Variants in PAPPA2 observed in about 807,000 individuals in gnomAD.
PAPPA2 encodes the protein pappalysin 2, also known as pappalysin-2.
In PAPPA2, 86 loss-of-function variants were observed where a neutral mutation model predicts 176.4. That is an observed-to-expected ratio of 0.49 (90% CI 0.41 to 0.58). PAPPA2 has a LOEUF of 0.58. PAPPA2 is among the 20% of genes least tolerant of loss of function. PAPPA2 has a pLI of 0.00. For missense variants in PAPPA2, 2,073 were observed against 2,256.9 expected (o/e 0.92, Z 1.65); for synonymous variants, 809 against 852.2 (o/e 0.95, Z 0.88).
intron 3 of PAPPA2, among the ~76,000 whole-genome samples, chr1:176,618,604 A>T (rs1292837207): frequency 6.6e-6 from 1 of 152,204 alleles, no homozygotes; most frequent in Non-Finnish European, 1.5e-5. Flanking sequence ...TCATTCAAAC[A>T]ATTTTGTAAA....
intron 1 of PAPPA2, among the ~76,000 whole-genome samples, chr1:176,475,411 C>A (rs1424907437): frequency 6.6e-6 from 1 of 152,200 alleles, no homozygotes; most frequent in Non-Finnish European, 1.5e-5. Context: ...CTTGGCCCAA[C>A]ATAAGTTGTT....
chr1:176,698,680 G>A (rs1660496284), intron 7 of PAPPA2, among the ~76,000 whole-genome samples: 1 of 152,182 alleles, frequency 6.6e-6, no homozygotes, highest in South Asian at 2.1e-4. Flanking sequence ...TTTGGGAAAA[G>A]CCCTACAAAG....
intron 1 of PAPPA2, among the ~76,000 whole-genome samples, chr1:176,535,315 C>T (rs763883412): frequency 3.9e-5 from 6 of 152,114 alleles, no homozygotes; most frequent in African/African-American, 1.4e-4. Flanking sequence ...AGAGGGAACC[C>T]AGATTCCAGA....
chr1:176,807,027 G>A (rs1423056263), intron 21 of PAPPA2, among the ~76,000 whole-genome samples: 1 of 152,046 alleles, frequency 6.6e-6, no homozygotes, highest in Non-Finnish European at 1.5e-5. Context: ...TTCTACCATG[G>A]GACTAGCCCA....
intron 2 of PAPPA2, among the ~76,000 whole-genome samples, chr1:176,574,034 C>T (rs545003580): frequency 1.6e-4 from 24 of 151,894 alleles, no homozygotes; most frequent in African/African-American, 4.8e-4. Flanking sequence ...GAGAGGATAC[C>T]GTTGACATCT....
chr1:176,730,599 G>T (rs1322140854), intron 12 of PAPPA2, among the ~76,000 whole-genome samples: 93 of 142,922 alleles, frequency 6.5e-4, no homozygotes, highest in African/African-American at 2.2e-3. Flanking sequence ...TTTGTTTTTT[G>T]TTTTTTTTTT....
intron 1 of PAPPA2, among the ~76,000 whole-genome samples, chr1:176,538,120 T>A (rs1650169352): frequency 6.6e-6 from 1 of 152,160 alleles, no homozygotes; most frequent in South Asian, 2.1e-4. Context: ...TTTGACCTCA[T>A]GATTTCTCAC....
At chr1:176,643,286 A>G (rs1325675495) in intron 3 of PAPPA2, among the ~76,000 whole-genome samples, 4 of 151,994 alleles carry the variant, frequency 2.6e-5, no homozygotes, top group Non-Finnish European at 2.9e-5. Flanking sequence ...CTGAATTCAG[A>G]CCAATGCTCT....
rs1558527702 is a variant in PAPPA2, at chr1:176,699,229, A to T, written c.2876A>T (p.His959Leu). 2 of 1,613,686 alleles carry T rather than the reference A, an allele frequency of 1.2e-6. No individual in the cohort carries two copies. Among genetic ancestry groups the T allele is most frequent in the South Asian group, 2.2e-5 (2 of 91,068 alleles). Residue 959 changes from histidine to leucine, a missense_variant, in exon 8 of 23, where the codon CAC (histidine) becomes CTC (leucine). Coordinates refer to ENST00000367662, the MANE Select transcript of PAPPA2 (RefSeq NM_020318.3). The stretch of plus-strand genomic sequence containing the variant: ...TGTAGCTTGGAGCTGCTCTTCCAAC[A>T]CCCGGTCCAAGCCGACACCCTCACC... ...EGCSLELLFQ[H>L]PVQADTLTLW... is the part of the protein sequence containing the mutation.
chr1:176,710,251 G>A, intron 11 of PAPPA2, 75 bp downstream of exon 11: 1 of 1,308,648 alleles, frequency 7.6e-7, no homozygotes, highest in Non-Finnish European at 1.1e-6. Context: ...TACACTTGGG[G>A]TCTATGTTTG....
intron 21 of PAPPA2, among the ~76,000 whole-genome samples, chr1:176,825,636 A>G (rs1666829120): frequency 6.6e-6 from 1 of 152,236 alleles, no homozygotes; most frequent in South Asian, 2.1e-4. Flanking sequence ...AAACTTAGAT[A>G]GAGCATTGCT....
Position 176,789,889 on chromosome 1 carries a change from C to G in PAPPA2, c.4796C>G (p.Pro1599Arg), listed in dbSNP as rs780092487. The G allele has an allele frequency of 2.5e-6, 4 of 1,614,160 alleles. No individual in the cohort carries two copies. Among genetic ancestry groups the G allele is most frequent in the South Asian group, 2.2e-5 (2 of 91,088 alleles). Residue 1599 changes from proline to arginine, a missense_variant, in exon 18 of 23, where the codon CCT becomes CGT. Pro to Arg is a moderately radical substitution (Grantham distance 103). Transcript: ENST00000367662. ...SCIPVVCEPP[P>R]PVFEGMYECT... ...ATTCCTGTGGTGTGTGAGCCACCCCCTCCTGTGTTTGAAGGCATGTATGAA... is the reference window on the plus strand; with the variant it reads ...ATTCCTGTGGTGTGTGAGCCACCCCGTCCTGTGTTTGAAGGCATGTATGAA...
chr1:176,527,693 C>T (rs1649574163), intron 1 of PAPPA2, among the ~76,000 whole-genome samples: 1 of 152,190 alleles, frequency 6.6e-6, no homozygotes, highest in Non-Finnish European at 1.5e-5. Context: ...GATTTCTAGA[C>T]CCCTGTGTCC....
intron 3 of PAPPA2, among the ~76,000 whole-genome samples, chr1:176,625,258 G>C (rs1573150226): frequency 6.6e-6 from 1 of 152,166 alleles, no homozygotes; most frequent in African/African-American, 2.4e-5. Context: ...AAGAGGGAGA[G>C]AAGACAGGAG....
In PAPPA2 at chr1:176,842,397, T is replaced by G. The variant is rs751688691; in HGVS notation, c.5319T>G (p.Ala1773=). ...LSSKKVIPFA[A]DCDLDECTCR... is the part of the protein sequence containing the mutation. ...TCCCCTAGGTCATTCCATTTGCTGC[T>G]GACTGTGACCTGGATGAGTGCACCT... Residue 1773 remains alanine, a synonymous_variant, in exon 23 of 23, where the codon GCT becomes GCG. Transcript: ENST00000367662. The G allele has an allele frequency of 6.2e-7, 1 of 1,613,250 alleles. No individual in the cohort carries two copies. The highest frequency in any genetic ancestry group is 1.7e-5 in the Admixed American group (1 of 59,920).
At chr1:176,625,557 A>G (rs1655959673) in intron 3 of PAPPA2, among the ~76,000 whole-genome samples, 1 of 152,200 alleles carries the variant, frequency 6.6e-6, no homozygotes, top group Non-Finnish European at 1.5e-5. Context: ...GAATAGAAAC[A>G]CTCAACTAAT....
chr1:176,642,137 T>A (rs190244801), intron 3 of PAPPA2, among the ~76,000 whole-genome samples: 51 of 152,046 alleles, frequency 3.4e-4, no homozygotes, highest in Non-Finnish European at 6.6e-4. Flanking sequence ...TCTATAGGAA[T>A]GGCTCTGAAA....
intron 9 of PAPPA2, among the ~76,000 whole-genome samples, chr1:176,704,754 T>A (rs1338355951): frequency 6.6e-6 from 1 of 152,216 alleles, no homozygotes; most frequent in Non-Finnish European, 1.5e-5. Context: ...TCAGATGTGC[T>A]GTAAGTGAAA....
chr1:176,662,340 G>T (rs1415708784), intron 3 of PAPPA2, among the ~76,000 whole-genome samples: 1 of 152,074 alleles, frequency 6.6e-6, no homozygotes, highest in Non-Finnish European at 1.5e-5. Context: ...ATTAATTGTG[G>T]TCACTATTAT....
Sources: allele counts gnomAD v4.1 joint callset (sites outside exome capture counted in the v4.1 genomes callset), GRCh38; gene constraint gnomAD v4.1.1; transcripts MANE v1.5; gene names NCBI Gene and HGNC (gene_info 2026-07-23, HGNC 2026-07-21).